Variants in AGPS observed in about 807,000 individuals in gnomAD.
AGPS encodes the protein alkylglycerone phosphate synthase.
Under a neutral mutation model 90.7 loss-of-function variants are expected in AGPS, and 26 were observed. That is an observed-to-expected ratio of 0.29 (90% CI 0.21 to 0.40). AGPS has a LOEUF of 0.40. Ranked by LOEUF, AGPS falls within the 10% of genes least tolerant of loss-of-function variation. The probability of loss-of-function intolerance (pLI) is 1.00; values close to 1 mark genes in which losing one functional copy is unlikely to be tolerated. For synonymous variants in AGPS, 294 were observed against 285.3 expected (o/e 1.03, Z -0.31); for missense variants, 540 against 816.1 (o/e 0.66, Z 4.12).
chr2:177,473,197 T>G (rs1224333961), intron 10 of AGPS, among the ~76,000 whole-genome samples: 2 of 152,246 alleles, frequency 1.3e-5, no homozygotes, highest in African/African-American at 4.8e-5. Context: ...TTTCCTTGTA[T>G]GCTGAAGATC....
At position 177,409,316 on chromosome 2, in the gene AGPS, G is replaced by A. The variant is rs781706907; in HGVS notation, c.261-10953G>A. Among the ~76,000 whole-genome samples, 3 of 151,954 alleles carry A rather than the reference G, an allele frequency of 2.0e-5. 1 individual carries two copies. Among genetic ancestry groups the A allele is most frequent in the Middle Eastern group, 6.8e-3 (2 of 292 alleles). ...AGACCCAAAGGGGGTTGCCACTCCC[G>A]GCAAGAATGCTTGGGGTTTATATCC... On this transcript the variant is annotated intron_variant, in intron 1 of 19. Transcript: ENST00000264167.
chr2:177,460,202 A>T (rs532810090), intron 8 of AGPS, among the ~76,000 whole-genome samples: 1 of 152,240 alleles, frequency 6.6e-6, no homozygotes, highest in South Asian at 2.1e-4. Context: ...CATTAGGAGA[A>T]ATACCTCATG....
chr2:177,531,386 A>G (rs1201617171), intron 19 of AGPS, among the ~76,000 whole-genome samples: 3 of 152,206 alleles, frequency 2.0e-5, no homozygotes, highest in Admixed American at 6.5e-5. Flanking sequence ...CTAAAATATA[A>G]TACCACTTGC....
chr2:177,428,211 C>T (rs1686136330), intron 2 of AGPS, among the ~76,000 whole-genome samples: 1 of 152,096 alleles, frequency 6.6e-6, no homozygotes, highest in African/African-American at 2.4e-5. Context: ...CTTTTGAGTT[C>T]ATGTGTGTCT....
intron 1 of AGPS, among the ~76,000 whole-genome samples, chr2:177,414,888 A>G (rs117194633): frequency 0.011 from 611 of 54,494 alleles, 6 homozygotes; most frequent in East Asian, 0.1. Context: ...ATGGGTGCCT[A>G]TGAAGGTTCG....
chr2:177,443,972 T>G (rs993597369), intron 7 of AGPS, among the ~76,000 whole-genome samples: 2 of 152,126 alleles, frequency 1.3e-5, no homozygotes, highest in Non-Finnish European at 2.9e-5. Context: ...AGTATGTAAT[T>G]GCCTCAAGGG....
At chr2:177,421,249 A>C (rs1324337188) in intron 2 of AGPS, among the ~76,000 whole-genome samples, 1 of 152,066 alleles carries the variant, frequency 6.6e-6, no homozygotes, top group African/African-American at 2.4e-5. Context: ...ACTGAGACTA[A>C]GTAAAAAATT....
At chr2:177,418,073 A>G (rs1037639153) in intron 1 of AGPS, among the ~76,000 whole-genome samples, 121 of 152,316 alleles carry the variant, frequency 7.9e-4, no homozygotes, top group African/African-American at 2.7e-3. Flanking sequence ...CCAAATGCCT[A>G]CATTCAACTT....
chr2:177,412,260 G>A (rs942992002), intron 1 of AGPS, among the ~76,000 whole-genome samples: 4 of 152,146 alleles, frequency 2.6e-5, no homozygotes, highest in African/African-American at 7.2e-5. Flanking sequence ...GGACCCAGGA[G>A]GTATGGGTCA....
In AGPS at chr2:177,521,208, A is replaced by C. The variant is rs1689181545; in HGVS notation, c.1698-61A>C. 2.2e-6 allele frequency: 3 copies of C among 1,389,192 alleles called. No homozygotes were observed. In the African/African-American group the frequency reaches 4.3e-5, roughly 20 times the overall value. The allele number at this position is 1,389,192 out of a possible 1,614,324, so 86.1% of individuals were successfully genotyped here. A position where few individuals can be genotyped will look rare whatever the true frequency, so the allele number is the denominator to read the frequency against. ...TGGGTCGTCTTGACTTTCAGTTTCT[A>C]GATGTTAAATCTGATTTCACTTAAC... is the stretch of plus-strand genomic sequence containing the variant. On this transcript the variant is annotated intron_variant, in intron 17 of 19. Coordinates refer to ENST00000264167, the MANE Select transcript of AGPS (RefSeq NM_003659.4).
chr2:177,469,796 T>C (rs572888945), intron 10 of AGPS, among the ~76,000 whole-genome samples: 1 of 152,296 alleles, frequency 6.6e-6, no homozygotes, highest in East Asian at 1.9e-4. Flanking sequence ...GAGTCAACTC[T>C]ATAAATATAA....
intron 17 of AGPS, among the ~76,000 whole-genome samples, chr2:177,514,341 T>A (rs535377660): frequency 1.2e-4 from 18 of 152,200 alleles, no homozygotes; most frequent in African/African-American, 4.1e-4. Context: ...AGTAAAATAG[T>A]GGTAATGCCA....
intron 19 of AGPS, among the ~76,000 whole-genome samples, chr2:177,535,476 G>A (rs4893959): frequency 0.66 from 99,578 of 151,410 alleles, 34,369 homozygotes; most frequent in Admixed American, 0.75. Flanking sequence ...ACTAAGAATT[G>A]TACAAAGGGC....
intron 10 of AGPS, among the ~76,000 whole-genome samples, chr2:177,479,875 A>G (rs961660361): frequency 6.6e-6 from 1 of 152,206 alleles, no homozygotes; most frequent in Non-Finnish European, 1.5e-5. Context: ...GTCTGTGAAT[A>G]TAACGCAAAA....
chr2:177,410,098 A>C (rs1412903888), intron 1 of AGPS, among the ~76,000 whole-genome samples: 1 of 152,054 alleles, frequency 6.6e-6, no homozygotes, highest in Non-Finnish European at 1.5e-5. Flanking sequence ...AGGGGAGGAA[A>C]CTTGTCCTCA....
intron 8 of AGPS, among the ~76,000 whole-genome samples, chr2:177,447,235 C>A (rs1272498846): frequency 6.6e-6 from 1 of 151,822 alleles, no homozygotes; most frequent in African/African-American, 2.4e-5. Flanking sequence ...CTGACCATTT[C>A]TGGATGATAG....
intron 18 of AGPS, 60 bp from the exon 19 acceptor site, chr2:177,523,688 T>C: frequency 6.7e-7 from 1 of 1,483,224 alleles, no homozygotes; most frequent in South Asian, 1.1e-5. Flanking sequence ...TGGGTCTTTT[T>C]CTTTCACTGC....
chr2:177,519,076 T>C (rs1352510244), intron 17 of AGPS, among the ~76,000 whole-genome samples: 1 of 152,152 alleles, frequency 6.6e-6, no homozygotes, highest in East Asian at 1.9e-4. Context: ...CGTTGCTCCT[T>C]TGATATTGGT....
At chr2:177,393,607 A>G (rs1439294624) in intron 1 of AGPS, 1 of 980,002 alleles carries the variant, frequency 1.0e-6, no homozygotes, top group Non-Finnish European at 1.2e-6. Context: ...GTAAGAAGCC[A>G]TAAACTGCAA....
Sources: gnomAD v4.1 joint callset for allele counts (sites outside exome capture counted in the v4.1 genomes callset) on GRCh38, gnomAD v4.1.1 for gene constraint, MANE v1.5 for transcripts, NCBI Gene and HGNC (gene_info 2026-07-23, HGNC 2026-07-21) for gene names.